The following TLL1 variants were observed in gnomAD, a reference collection of about 807,000 sequenced individuals.
TLL1 encodes the protein tolloid-like protein 1.
Under a neutral mutation model 128.2 loss-of-function variants are expected in TLL1, and 49 were observed. The observed-to-expected ratio is 0.38, with a 90% CI of 0.30 to 0.48. TLL1 has a LOEUF of 0.48. Ranked by LOEUF, TLL1 falls within the 20% of genes least tolerant of loss-of-function variation. The pLI, the probability that TLL1 is intolerant of heterozygous loss-of-function variation, is 0.96. For synonymous variants in TLL1, 454 were observed against 418.8 expected (o/e 1.08, Z -1.03); for missense variants, 1,123 against 1,242.0 (o/e 0.90, Z 1.44).
At chr4:165,960,221 GA>G (rs1735029359) in intron 1 of TLL1, among the ~76,000 whole-genome samples, 1 of 151,974 alleles carries the variant, frequency 6.6e-6, no homozygotes, top group African/African-American at 2.4e-5. Context: ...TCACAAACTA[GA>G]AAATGTAGTG....
Position 165,980,563 on chromosome 4 carries a change from G to A in TLL1, c.170-8818G>A, listed in dbSNP as rs1173494081. On this transcript the variant is annotated intron_variant, in intron 1 of 20. Coordinates refer to ENST00000061240, the MANE Select transcript of TLL1 (RefSeq NM_012464.5). ...AATAACTCAGAGTTGTATGTAGTTA[G>A]CACCAAATGTACAGAACTGGTAAAA... Among the ~76,000 whole-genome samples the A allele has an allele frequency of 9.9e-5, 15 of 152,120 alleles. 1 individual carries two copies. Among genetic ancestry groups the A allele is most frequent in the Admixed American group, 9.8e-4 (15 of 15,248 alleles).
At chr4:166,014,408 G>C in intron 7 of TLL1, 28 bp from the exon 8 acceptor site, 1 of 1,611,256 alleles carries the variant, frequency 6.2e-7, no homozygotes, top group Non-Finnish European at 8.5e-7. Context: ...TGGTGACTTA[G>C]GTGTGGTTTG....
chr4:165,909,385 AGAG>A (rs1272532561), intron 1 of TLL1, among the ~76,000 whole-genome samples: 2 of 152,216 alleles, frequency 1.3e-5, no homozygotes. Flanking sequence ...TTTAAAGTTC[AGAG>A]GAGAGTCATG....
At chr4:166,002,731 C>T (rs1441614161) in intron 5 of TLL1, among the ~76,000 whole-genome samples, 1 of 152,158 alleles carries the variant, frequency 6.6e-6, no homozygotes, top group Non-Finnish European at 1.5e-5. Flanking sequence ...AGGCATGAGC[C>T]ACTGCAACCA....
At chr4:166,032,911 A>C (rs1350225339) in intron 9 of TLL1, among the ~76,000 whole-genome samples, 1 of 152,148 alleles carries the variant, frequency 6.6e-6, no homozygotes, top group African/African-American at 2.4e-5. Flanking sequence ...GATTCACCCC[A>C]CAGCAGAAAA....
chr4:165,905,950 G>C (rs1278456635), intron 1 of TLL1, among the ~76,000 whole-genome samples: 1 of 152,044 alleles, frequency 6.6e-6, no homozygotes, highest in Non-Finnish European at 1.5e-5. Context: ...GAATGATTCT[G>C]CTTGCCTTTT....
chr4:166,035,369 A>T (rs1169242992), intron 9 of TLL1, among the ~76,000 whole-genome samples: 2 of 152,166 alleles, frequency 1.3e-5, no homozygotes, highest in African/African-American at 4.8e-5. Context: ...GTCTGAATAT[A>T]TACCATGAAA....
At chr4:165,902,173 G>A (rs994006312) in intron 1 of TLL1, among the ~76,000 whole-genome samples, 6 of 152,254 alleles carry the variant, frequency 3.9e-5, no homozygotes, top group African/African-American at 1.4e-4. Context: ...ATTTTAGCTT[G>A]CTGTGCTCCA....
intron 5 of TLL1, among the ~76,000 whole-genome samples, chr4:166,002,355 G>A (rs948297526): frequency 5.9e-5 from 9 of 152,036 alleles, no homozygotes; most frequent in African/African-American, 1.9e-4. Context: ...ATTTTGGGGG[G>A]ATATAATATT....
intron 15 of TLL1, among the ~76,000 whole-genome samples, chr4:166,062,791 T>C (rs1740386072): frequency 6.6e-6 from 1 of 152,182 alleles, no homozygotes; most frequent in South Asian, 2.1e-4. Context: ...ATCCCTGTCT[T>C]GTGCCAGTTT....
At chr4:165,977,623 C>G (rs995547210) in intron 1 of TLL1, among the ~76,000 whole-genome samples, 1 of 152,088 alleles carries the variant, frequency 6.6e-6, no homozygotes, top group Non-Finnish European at 1.5e-5. Context: ...ATTTATTGCA[C>G]TAAATTAAAT....
chr4:165,971,383 AT>A (rs1047288761), intron 1 of TLL1, among the ~76,000 whole-genome samples: 3 of 152,198 alleles, frequency 2.0e-5, no homozygotes, highest in African/African-American at 7.2e-5. Context: ...CAAGGGCTTC[AT>A]TTGATGCCAG....
chr4:165,968,274 A>C (rs555924648), intron 1 of TLL1, among the ~76,000 whole-genome samples: 3 of 152,272 alleles, frequency 2.0e-5, no homozygotes, highest in Admixed American at 2.0e-4. Flanking sequence ...TGTTTTGACT[A>C]TTTTTGAAGA....
intron 9 of TLL1, among the ~76,000 whole-genome samples, chr4:166,026,984 A>G (rs189838059): frequency 1.1e-4 from 17 of 152,318 alleles, no homozygotes; most frequent in African/African-American, 3.6e-4. Context: ...ACATGGAATC[A>G]AGCTAGATGC....
At chr4:165,889,789 A>G (rs1731315182) in intron 1 of TLL1, among the ~76,000 whole-genome samples, 1 of 152,184 alleles carries the variant, frequency 6.6e-6, no homozygotes, top group Non-Finnish European at 1.5e-5. Context: ...TTTGAAAACA[A>G]TTAATAAGGT....
intron 1 of TLL1, among the ~76,000 whole-genome samples, chr4:165,905,185 G>A (rs1002794014): frequency 6.6e-6 from 1 of 152,146 alleles, no homozygotes; most frequent in Non-Finnish European, 1.5e-5. Flanking sequence ...CCTGCTATGC[G>A]ATCCAGCTAT....
At chr4:165,929,297 G>A (rs1579499671) in intron 1 of TLL1, among the ~76,000 whole-genome samples, 5 of 152,156 alleles carry the variant, frequency 3.3e-5, no homozygotes, top group Admixed American at 3.3e-4. Flanking sequence ...AAGAAGTAGA[G>A]GGAGGCCAAG....
At chr4:165,987,750 T>A (rs1736453881) in intron 1 of TLL1, among the ~76,000 whole-genome samples, 1 of 152,126 alleles carries the variant, frequency 6.6e-6, no homozygotes, top group Non-Finnish European at 1.5e-5. Context: ...ACTGGGTAAA[T>A]AATTTTATAT....
At chr4:166,047,593 G>C (rs7663363) in intron 12 of TLL1, among the ~76,000 whole-genome samples, 18,779 of 151,506 alleles carry the variant, frequency 0.12, 1,276 homozygotes, top group African/African-American at 0.18. Context: ...CTACTTTAAA[G>C]AACTTCTTAG....
Sources: allele counts gnomAD v4.1 joint callset (sites outside exome capture counted in the v4.1 genomes callset), GRCh38; gene constraint gnomAD v4.1.1; transcripts MANE v1.5; gene names NCBI Gene and HGNC (gene_info 2026-07-23, HGNC 2026-07-21).